Variants in PRUNE2 observed in about 807,000 individuals in gnomAD.
PRUNE2 encodes the protein prune homolog 2 with BCH domain, also known as protein prune homolog 2.
A neutral mutation model predicts 252.0 loss-of-function variants in PRUNE2; 164 were observed. That is an observed-to-expected ratio of 0.65 (90% CI 0.57 to 0.74). The LOEUF (loss-of-function observed/expected upper bound fraction) is 0.74, where lower values mean the gene tolerates loss of function less well. Among genes scored for constraint, PRUNE2 ranks in the 30% least tolerant of loss-of-function variants. The pLI, the probability that PRUNE2 is intolerant of heterozygous loss-of-function variation, is 0.00. For synonymous variants in PRUNE2, 1,292 were observed against 1,350.2 expected, an observed-to-expected ratio of 0.96 and a Z score of 0.94; for missense variants, 3,495 against 3,711.0, an observed-to-expected ratio of 0.94 and a Z score of 1.51.
In PRUNE2 at chr9:76,703,679, G is replaced by A. The variant is rs1222362873; in HGVS notation, c.7934C>T (p.Ser2645Leu). The change falls in exon 9 of 19, where the codon TCA (serine) becomes TTA (leucine). Residue 2645 changes from serine (S) to leucine (L), a missense_variant. Physicochemically the swap from Ser to Leu is moderately radical, Grantham distance 145. Transcript: ENST00000376718. Reference protein sequence around the residue: ...FLGHSEVGDPSLDARDSGPGW... With the variant: ...FLGHSEVGDPLLDARDSGPGW... ...AGGCCCTGAGTCCCTGGCATCCAGT[G>A]ATGGATCACCAACCTCACTATGGCC... The A allele has an allele frequency of 6.2e-6, 10 of 1,612,844 alleles. No homozygotes were observed. The highest frequency in any genetic ancestry group is 2.7e-5 in the African/African-American group (2 of 74,858).
At chr9:76,746,492 T>G (rs984495216) in intron 6 of PRUNE2, among the ~76,000 whole-genome samples, 1 of 149,608 alleles carries the variant, frequency 6.7e-6, no homozygotes, top group African/African-American at 2.5e-5. Flanking sequence ...GATCATGAGG[T>G]CAGGAGATCG....
intron 3 of PRUNE2, among the ~76,000 whole-genome samples, chr9:76,848,372 G>A (rs2059779727): frequency 6.6e-6 from 1 of 152,148 alleles, no homozygotes; most frequent in South Asian, 2.1e-4. Flanking sequence ...TTTTAGCCAC[G>A]TGTCAATGAT....
At chr9:76,723,975 C>G (rs1477879315) in intron 6 of PRUNE2, among the ~76,000 whole-genome samples, 1 of 150,924 alleles carries the variant, frequency 6.6e-6, no homozygotes, top group Non-Finnish European at 1.5e-5. Flanking sequence ...GCTCGGCTAA[C>G]TTTTTGTATT....
Position 76,627,095 on chromosome 9 carries a change from CT to C in PRUNE2, c.9149+2096del, listed in dbSNP as rs869306249. ...TGTGAGTGTTTCCATACTTCTTCAT[CT>C]TTTTTTTTTCTTCTTCTTTTTTGAG... On this transcript the variant is annotated intron_variant, in intron 16 of 18. Coordinates refer to ENST00000376718, the MANE Select transcript of PRUNE2 (RefSeq NM_015225.3). 1.5e-3 allele frequency among the ~76,000 whole-genome samples: 178 copies of C among 122,718 alleles called. 1 individual carries two copies. Among genetic ancestry groups the C allele is most frequent in the African/African-American group, 4.1e-3 (163 of 39,884 alleles). 80.5% of individuals were successfully genotyped at this position (122,718 alleles called of 152,430 possible). A position where few individuals can be genotyped will look rare whatever the true frequency, so the allele number is the denominator to read the frequency against.
chr9:76,755,392 G>A (rs911922699), intron 6 of PRUNE2, among the ~76,000 whole-genome samples: 1 of 152,126 alleles, frequency 6.6e-6, no homozygotes. Context: ...GGGAGGAATG[G>A]ATGGCTGGAT....
At chr9:76,696,448 T>C (rs2045392564) in intron 9 of PRUNE2, among the ~76,000 whole-genome samples, 1 of 152,064 alleles carries the variant, frequency 6.6e-6, no homozygotes, top group South Asian at 2.1e-4. Context: ...GGTTTTTTGT[T>C]TGTTTGTTTG....
At chr9:76,620,288 T>A (rs1831641806) in intron 17 of PRUNE2, among the ~76,000 whole-genome samples, 1 of 151,916 alleles carries the variant, frequency 6.6e-6, no homozygotes. Flanking sequence ...TACAGCTGCA[T>A]GCCACCATGC....
Position 76,850,577 on chromosome 9 carries a change from T to C in PRUNE2, c.230A>G (p.Glu77Gly). ...NYFTETRFIL[E>G]ELNISESFHI... ...GAATGATTCGGAAATATTTAGCTCT[T>C]CTAAAATAAACCTCGTCTCGGTGAA... The change falls in exon 3 of 19, where the codon GAA becomes GGA. Residue 77 changes from glutamate (E) to glycine (G), a missense_variant. Glu to Gly is a moderately conservative substitution (Grantham distance 98). Transcript: ENST00000376718. 1 of 1,613,910 alleles carries C rather than the reference T, an allele frequency of 6.2e-7. No homozygotes were observed. Among genetic ancestry groups the C allele is most frequent in the Non-Finnish European group, 8.5e-7 (1 of 1,179,800 alleles).
At chr9:76,727,641 T>G (rs76754481) in intron 6 of PRUNE2, among the ~76,000 whole-genome samples, 4 of 146,344 alleles carry the variant, frequency 2.7e-5, no homozygotes, top group Non-Finnish European at 5.9e-5. Flanking sequence ...TTCTTCTTCT[T>G]CTTCTTTTTT....
intron 1 of PRUNE2, among the ~76,000 whole-genome samples, chr9:76,892,042 T>C (rs1352643153): frequency 7.2e-6 from 1 of 139,370 alleles, no homozygotes; most frequent in Non-Finnish European, 1.5e-5. Context: ...AGAGAGGAAG[T>C]GAAAAGACAA....
At chr9:76,686,125 A>G (rs1462890579) in intron 9 of PRUNE2, among the ~76,000 whole-genome samples, 2 of 152,230 alleles carry the variant, frequency 1.3e-5, no homozygotes, top group East Asian at 3.8e-4. Flanking sequence ...TGATTCATTT[A>G]ACCATCTCTT....
intron 1 of PRUNE2, among the ~76,000 whole-genome samples, chr9:76,865,313 T>G (rs2060773479): frequency 6.6e-6 from 1 of 152,146 alleles, no homozygotes; most frequent in Non-Finnish European, 1.5e-5. Flanking sequence ...GGCAACATAG[T>G]GAGACCCTGC....
At chr9:76,840,291 T>C (rs2059309591) in intron 4 of PRUNE2, among the ~76,000 whole-genome samples, 1 of 152,148 alleles carries the variant, frequency 6.6e-6, no homozygotes, top group Non-Finnish European at 1.5e-5. Context: ...AAAGTGACCT[T>C]TTTTTACTTT....
At chr9:76,839,939 T>C (rs1236588865) in intron 4 of PRUNE2, among the ~76,000 whole-genome samples, 1 of 152,096 alleles carries the variant, frequency 6.6e-6, no homozygotes, top group Non-Finnish European at 1.5e-5. Flanking sequence ...ATGAAGAAAT[T>C]GGAATAAAAG....
intron 6 of PRUNE2, among the ~76,000 whole-genome samples, chr9:76,769,251 T>G (rs1186212061): frequency 6.6e-6 from 1 of 152,238 alleles, no homozygotes; most frequent in African/African-American, 2.4e-5. Flanking sequence ...CACACTATTC[T>G]GCAGCTTAAA....
intron 15 of PRUNE2, 134 bp downstream of exon 15, chr9:76,636,337 C>G (rs1267860581): frequency 1.6e-6 from 1 of 620,418 alleles, no homozygotes. Flanking sequence ...TCCAAAGCAC[C>G]TTTCTAGGAA....
At chr9:76,828,420 T>C (rs765186811) in intron 4 of PRUNE2, among the ~76,000 whole-genome samples, 3 of 152,162 alleles carry the variant, frequency 2.0e-5, no homozygotes, top group Non-Finnish European at 4.4e-5. Flanking sequence ...GCCTTAAAGT[T>C]TGTCTTTTAT....
intron 6 of PRUNE2, among the ~76,000 whole-genome samples, chr9:76,725,776 C>CAGAT (rs1453597488): frequency 6.6e-6 from 1 of 152,196 alleles, no homozygotes; most frequent in Non-Finnish European, 1.5e-5. Flanking sequence ...CTCCTGAAAA[C>CAGAT]AGATACACTC....
chr9:76,661,817 G>A (rs138475227), intron 9 of PRUNE2, among the ~76,000 whole-genome samples: 144 of 151,266 alleles, frequency 9.5e-4, no homozygotes, highest in African/African-American at 3.4e-3. Context: ...TGGCAGATCT[G>A]AACAATGCAG....
Sources: gnomAD v4.1 joint callset for allele counts (sites outside exome capture counted in the v4.1 genomes callset) on GRCh38, gnomAD v4.1.1 for gene constraint, MANE v1.5 for transcripts, NCBI Gene and HGNC (gene_info 2026-07-23, HGNC 2026-07-21) for gene names.